The following CCDC28A variants were observed in gnomAD, a reference collection of about 807,000 sequenced individuals.
CCDC28A encodes coiled-coil domain-containing protein 28A.
CCDC28A carries 24 observed loss-of-function variants against 22.1 expected under a neutral mutation model. The ratio of observed to expected loss-of-function variants is 1.09; its 90% CI spans 0.79 to 1.53. CCDC28A has a LOEUF of 1.53. CCDC28A is among the 40% of genes most tolerant of loss of function. The pLI, the probability that CCDC28A is intolerant of heterozygous loss-of-function variation, is 0.00. For missense variants in CCDC28A, 170 were observed against 210.7 expected, an observed-to-expected ratio of 0.81 and a Z score of 1.20; for synonymous variants, 83 against 74.7, an observed-to-expected ratio of 1.11 and a Z score of -0.57.
intron 5 of CCDC28A, among the ~76,000 whole-genome samples, chr6:138,789,355 A>C (rs1775137092): frequency 6.6e-6 from 1 of 152,240 alleles, no homozygotes; most frequent in African/African-American, 2.4e-5. Flanking sequence ...CATTTTGATC[A>C]TGTAACCTTG....
intron 3 of CCDC28A, among the ~76,000 whole-genome samples, chr6:138,781,487 G>T (rs750315896): frequency 5.9e-5 from 9 of 152,228 alleles, no homozygotes; most frequent in Non-Finnish European, 1.0e-4. Flanking sequence ...GAAGTATGCA[G>T]ATTGCTTTGC....
At chr6:138,780,824 G>A (rs939356180) in intron 3 of CCDC28A, among the ~76,000 whole-genome samples, 2 of 151,968 alleles carry the variant, frequency 1.3e-5, no homozygotes, top group Non-Finnish European at 2.9e-5. Flanking sequence ...TGCCCGCCTC[G>A]GCCTCCCAAG....
chr6:138,784,844 C>T (rs1401256699), intron 3 of CCDC28A, among the ~76,000 whole-genome samples: 1 of 152,164 alleles, frequency 6.6e-6, no homozygotes, highest in Non-Finnish European at 1.5e-5. Flanking sequence ...CAGGCACGCA[C>T]CACCATGCCC....
intron 4 of CCDC28A, 96 bp from the exon 5 acceptor site, chr6:138,788,270 T>C: frequency 2.0e-6 from 1 of 494,198 alleles, no homozygotes; most frequent in Non-Finnish European, 3.5e-6. Flanking sequence ...ACAAGAAAGC[T>C]TAAATGAAAA....
chr6:138,790,549 A>G (rs138923413), intron 5 of CCDC28A, among the ~76,000 whole-genome samples: 242 of 152,368 alleles, frequency 1.6e-3, no homozygotes, highest in African/African-American at 5.4e-3. Context: ...CACCACAAAC[A>G]TAGCAGCATA....
rs749716228 is a variant in CCDC28A, at chr6:138,785,208, G to A, written c.323-19G>A. The A allele has an allele frequency of 6.2e-7, 1 of 1,601,212 alleles. No individual in the cohort carries two copies. Among genetic ancestry groups the A allele is most frequent in the Admixed American group, 1.7e-5 (1 of 59,888 alleles). On this transcript the variant is annotated intron_variant, in intron 3 of 5. Transcript: ENST00000617445. Reference sequence around the variant, plus strand: ...TTGAACTGTCCTAATCATTATTAATGTTCTGGAATGTTCCCAAGGAAATGA... The same window carrying A: ...TTGAACTGTCCTAATCATTATTAATATTCTGGAATGTTCCCAAGGAAATGA...
At chr6:138,792,037 C>T (rs576669893) in intron 5 of CCDC28A, among the ~76,000 whole-genome samples, 1 of 152,296 alleles carries the variant, frequency 6.6e-6, no homozygotes, top group South Asian at 2.1e-4. Flanking sequence ...GTCCTATTTC[C>T]AGTCTTCTTG....
rs1443265330 is a variant in CCDC28A at position 138,773,883 on chromosome 6, C to G, written c.-62C>G. The stretch of plus-strand genomic sequence containing the variant: ...TCTTTGCGGGTTGCGGAAGGGGGCC[C>G]CAATACCCTTCTTCTTCAGGTATGT... On this transcript the variant is annotated 5_prime_UTR_variant, in exon 1 of 6. Coordinates refer to ENST00000617445, the MANE Select transcript of CCDC28A (RefSeq NM_015439.3). 1.2e-6 allele frequency: 2 copies of G among 1,613,574 alleles called. No homozygotes were observed. Among genetic ancestry groups the G allele is most frequent in the Non-Finnish European group, 1.7e-6 (2 of 1,180,014 alleles).
At chr6:138,784,850 T>C (rs911093199) in intron 3 of CCDC28A, among the ~76,000 whole-genome samples, 5 of 152,096 alleles carry the variant, frequency 3.3e-5, no homozygotes, top group Non-Finnish European at 7.4e-5. Context: ...CGCACCACCA[T>C]GCCCAGCTAA....
intron 5 of CCDC28A, among the ~76,000 whole-genome samples, chr6:138,788,643 A>C (rs922996614): frequency 7.3e-6 from 1 of 136,692 alleles, no homozygotes; most frequent in African/African-American, 2.9e-5. Context: ...TGCCACGATC[A>C]TGGTTCACCA....
chr6:138,782,829 G>A (rs992534668), intron 3 of CCDC28A, among the ~76,000 whole-genome samples: 1 of 152,146 alleles, frequency 6.6e-6, no homozygotes, highest in Admixed American at 6.5e-5. Flanking sequence ...ATGTTATAAA[G>A]CTGGCTAGAG....
intron 2 of CCDC28A, among the ~76,000 whole-genome samples, chr6:138,779,012 C>G (rs866798187): frequency 6.6e-5 from 10 of 152,214 alleles, no homozygotes; most frequent in Admixed American, 5.9e-4. Flanking sequence ...AGGTGATCCT[C>G]CTGCCTGGGC....
At chr6:138,791,919 A>G (rs1775176092) in intron 5 of CCDC28A, among the ~76,000 whole-genome samples, 1 of 152,178 alleles carries the variant, frequency 6.6e-6, no homozygotes, top group Non-Finnish European at 1.5e-5. Flanking sequence ...TATTCATATC[A>G]TTGAATTGGG....
rs1775194164 is a variant in CCDC28A, at chr6:138,792,896, A to G, written c.*93A>G. 5.1e-6 allele frequency: 4 copies of G among 779,226 alleles called. No homozygotes were observed. In the Admixed American group the frequency reaches 9.0e-5, roughly 18 times the overall value. 48.3% of individuals were successfully genotyped at this position (779,226 alleles called of 1,614,324 possible). The stretch of plus-strand genomic sequence containing the variant: ...CAGTAGCAGAATCATCTTCCACAAC[A>G]AGGAATTAAAGTAATTAAAGTGCAA... On this transcript the variant is annotated 3_prime_UTR_variant, in exon 6 of 6. Coordinates refer to ENST00000617445, the MANE Select transcript of CCDC28A (RefSeq NM_015439.3).
rs750002558 is a variant in CCDC28A, at chr6:138,785,279, A to G, written c.375A>G (p.Lys125=). Residue 125 remains lysine, a synonymous_variant, in exon 4 of 6, where the codon AAA becomes AAG. Transcript: ENST00000617445. Reference sequence around the variant, plus strand: ...AACATGTTCGGGGAATGCAGGAGAAATTAGCTCGCTTGAATTTGGAGCTCT... The same window carrying G: ...AACATGTTCGGGGAATGCAGGAGAAGTTAGCTCGCTTGAATTTGGAGCTCT... ...QMEHVRGMQE[K]LARLNLELYG... 6.2e-7 allele frequency: 1 copy of G among 1,613,734 alleles called. No homozygotes were observed. Among genetic ancestry groups the G allele is most frequent in the South Asian group, 1.1e-5 (1 of 91,072 alleles).
At chr6:138,778,093 A>G (rs980578427) in intron 2 of CCDC28A, among the ~76,000 whole-genome samples, 1 of 152,152 alleles carries the variant, frequency 6.6e-6, no homozygotes, top group Non-Finnish European at 1.5e-5. Flanking sequence ...TTATTGACCT[A>G]CTGTCAACAA....
At chr6:138,792,682 G>GTAAT (rs1775189499) in intron 5 of CCDC28A, 67 bp from the exon 6 acceptor site, 6 of 984,236 alleles carry the variant, frequency 6.1e-6, no homozygotes, top group Non-Finnish European at 8.0e-6. Flanking sequence ...GCTCCTGAAT[G>GTAAT]TAATTTTCAG....
intron 4 of CCDC28A, among the ~76,000 whole-genome samples, chr6:138,786,134 C>T (rs1399100366): frequency 2.0e-5 from 3 of 152,272 alleles, no homozygotes; most frequent in Non-Finnish European, 2.9e-5. Context: ...TTGTAGTAGC[C>T]GTCGTGTTCA....
chr6:138,774,011 T>C, intron 1 of CCDC28A, 109 bp downstream of exon 1: 1 of 1,342,534 alleles, frequency 7.4e-7, no homozygotes, highest in Non-Finnish European at 1.0e-6. Context: ...TTCGGTAGAT[T>C]GGGGAAGGGG....
Sources: allele counts gnomAD v4.1 joint callset (sites outside exome capture counted in the v4.1 genomes callset), GRCh38; gene constraint gnomAD v4.1.1; transcripts MANE v1.5; gene names NCBI Gene and HGNC (gene_info 2026-07-23, HGNC 2026-07-21).